RTN3: variants seen among roughly 807,000 people sequenced by gnomAD.
RTN3 encodes reticulon 3.
Under a neutral mutation model 77.8 loss-of-function variants are expected in RTN3, and 49 were observed. The ratio of observed to expected loss-of-function variants is 0.63; its 90% confidence interval spans 0.50 to 0.80. The LOEUF (loss-of-function observed/expected upper bound fraction) is 0.80, where lower values mean the gene tolerates loss of function less well. Among genes scored for constraint, RTN3 ranks in the 30% least tolerant of loss-of-function variants. The probability of loss-of-function intolerance (pLI) is 0.00; values close to 1 mark genes in which losing one functional copy is unlikely to be tolerated. For missense variants in RTN3, 1,236 were observed against 1,211.9 expected (o/e 1.02, Z -0.29); for synonymous variants, 464 against 446.9 (o/e 1.04, Z -0.48).
intron 3 of RTN3, 127 bp downstream of exon 3, chr11:63,721,159 A>G (rs760281583): frequency 2.6e-6 from 2 of 767,188 alleles, no homozygotes; most frequent in Admixed American, 3.0e-5. Flanking sequence ...AATATGCTGT[A>G]TGATGGGAAA....
At chr11:63,714,528 C>G (rs1456780217) in intron 2 of RTN3, 2 of 146,990 alleles carry the variant, frequency 1.4e-5, no homozygotes, top group Non-Finnish European at 3.0e-5. Flanking sequence ...CTCTTCTCTT[C>G]TCTTTTCTCT....
In RTN3 at chr11:63,720,136, G is replaced by A; in HGVS notation, c.1634G>A (p.Cys545Tyr). The change falls in exon 3 of 9, where the codon TGT (cysteine) becomes TAT (tyrosine). Residue 545 changes from cysteine (C) to tyrosine (Y), a missense_variant. Physicochemically the swap from Cys to Tyr is radical, Grantham distance 194. Around this residue, in one of 3 missense-constraint regions of RTN3, gnomAD observed 1,056 missense variants for 990.4 expected, o/e 1.07. Coordinates refer to ENST00000377819, the MANE Select transcript of RTN3 (RefSeq NM_001265589.2). ...AGAGAAATCAAAGAGATTCCCAGTT[G>A]TGAGAGAGAAGAAAAAACATCTAAA... Reference protein sequence around the residue: ...GEREIKEIPSCEREEKTSKNF... With the variant: ...GEREIKEIPSYEREEKTSKNF... 6.2e-7 allele frequency: 1 copy of A among 1,613,814 alleles called. No homozygotes were observed. Among genetic ancestry groups the A allele is most frequent in the Non-Finnish European group, 8.5e-7 (1 of 1,179,946 alleles).
Position 63,719,850 on chromosome 11 carries a change from T to C in RTN3, c.1348T>C (p.Leu450=). 2 of 1,614,094 alleles carry C rather than the reference T, an allele frequency of 1.2e-6. No homozygotes were observed. The highest frequency in any genetic ancestry group is 8.5e-7 in the Non-Finnish European group (1 of 1,180,014). The part of the protein sequence containing the change: ...MQKQDDTLAE[L]PGSPPEKCDS... ...GAAACAGGATGACACACTTGCAGAA[T>C]TACCTGGATCTCCACCTGAGAAATG... The change falls in exon 3 of 9, where the codon TTA becomes CTA. Residue 450 remains leucine (L), a synonymous_variant. Coordinates refer to ENST00000377819, the MANE Select transcript of RTN3 (RefSeq NM_001265589.2).
chr11:63,681,877 C>G, intron 1 of RTN3, 99 bp downstream of exon 1: 12 of 1,267,514 alleles, frequency 9.5e-6, no homozygotes, highest in Non-Finnish European at 1.2e-5. Context: ...ACGAATTACC[C>G]TCGACTACTG....
intron 2 of RTN3, among the ~76,000 whole-genome samples, chr11:63,706,077 C>G (rs1216175200): frequency 1.3e-5 from 2 of 152,108 alleles, no homozygotes; most frequent in Non-Finnish European, 2.9e-5. Context: ...CTGCAAAAGA[C>G]TTTTATAAGA....
chr11:63,755,580 G>A (rs2014331584), intron 7 of RTN3, among the ~76,000 whole-genome samples: 1 of 145,114 alleles, frequency 6.9e-6, no homozygotes, highest in East Asian at 2.0e-4. Flanking sequence ...AAACCCGGGA[G>A]GTGGAGGTTT....
intron 1 of RTN3, among the ~76,000 whole-genome samples, chr11:63,703,311 C>T (rs1279992429): frequency 6.6e-6 from 1 of 151,934 alleles, no homozygotes; most frequent in Non-Finnish European, 1.5e-5. Flanking sequence ...GGTTTTAGAA[C>T]CAATCCCCCT....
intron 3 of RTN3, among the ~76,000 whole-genome samples, chr11:63,729,090 AC>A (rs922739724): frequency 6.6e-6 from 1 of 151,962 alleles, no homozygotes; most frequent in African/African-American, 2.4e-5. Context: ...AACAAAAAAA[AC>A]AAAAAAACTG....
In RTN3 at chr11:63,719,567, T is replaced by A; in HGVS notation, c.1065T>A (p.Ser355=). 1 of 1,614,168 alleles carries A rather than the reference T, an allele frequency of 6.2e-7. No individual in the cohort carries two copies. Among genetic ancestry groups the A allele is most frequent in the South Asian group, 1.1e-5 (1 of 91,088 alleles). Residue 355 remains serine (S), a synonymous_variant, in exon 3 of 9, where the codon TCT becomes TCA. Coordinates refer to ENST00000377819, the MANE Select transcript of RTN3 (RefSeq NM_001265589.2). ...VPQVKQQTDK[S]SDCITKTTGL... is the part of the protein sequence containing the mutation. ...AAGTGAAACAACAGACCGATAAATCTTCTGACTGCATCACAAAAACTACAG... is the reference window on the plus strand; with the variant it reads ...AAGTGAAACAACAGACCGATAAATCATCTGACTGCATCACAAAAACTACAG...
chr11:63,749,882 T>C, intron 3 of RTN3, 109 bp from the exon 4 acceptor site: 1 of 797,082 alleles, frequency 1.3e-6, no homozygotes, highest in Non-Finnish European at 2.0e-6. Flanking sequence ...CAGATTATCT[T>C]AAAGTGGGGC....
chr11:63,744,130 C>T (rs2135022980), intron 3 of RTN3, among the ~76,000 whole-genome samples: 1 of 148,900 alleles, frequency 6.7e-6, no homozygotes, highest in South Asian at 2.2e-4. Context: ...GTAATGTCAG[C>T]TACTCGAAGG....
At chr11:63,743,206 TTCTTGAC>T (rs2013590518) in intron 3 of RTN3, among the ~76,000 whole-genome samples, 1 of 152,172 alleles carries the variant, frequency 6.6e-6, no homozygotes, top group South Asian at 2.1e-4. Flanking sequence ...CAGCCTGTTT[TTCTTGAC>T]TTAGTGAGCT....
chr11:63,730,324 T>C (rs913428845), intron 3 of RTN3, among the ~76,000 whole-genome samples: 3 of 152,054 alleles, frequency 2.0e-5, no homozygotes, highest in African/African-American at 7.2e-5. Context: ...GGAAAAGATA[T>C]CCCAAAAAAT....
At chr11:63,713,262 CA>C (rs1237364188) in intron 2 of RTN3, among the ~76,000 whole-genome samples, 4 of 152,078 alleles carry the variant, frequency 2.6e-5, no homozygotes, top group Non-Finnish European at 5.9e-5. Flanking sequence ...AGTTTGAGAA[CA>C]TGTTCATGAT....
intron 8 of RTN3, among the ~76,000 whole-genome samples, chr11:63,756,440 G>A (rs913885108): frequency 1.3e-5 from 2 of 152,078 alleles, no homozygotes; most frequent in East Asian, 3.9e-4. Flanking sequence ...TTGGGAGGCC[G>A]AGACAGGAGG....
intron 1 of RTN3, among the ~76,000 whole-genome samples, chr11:63,698,361 A>G (rs908284941): frequency 4.6e-5 from 7 of 151,956 alleles, no homozygotes; most frequent in Non-Finnish European, 8.8e-5. Flanking sequence ...GCTGAGGTCA[A>G]GCCATCCACC....
At chr11:63,741,740 A>T (rs2013494116) in intron 3 of RTN3, among the ~76,000 whole-genome samples, 1 of 151,724 alleles carries the variant, frequency 6.6e-6, no homozygotes, top group Admixed American at 6.6e-5. Context: ...ACCTCAGGTG[A>T]TCTTCCCGCC....
intron 3 of RTN3, among the ~76,000 whole-genome samples, chr11:63,743,561 A>G (rs1240533888): frequency 6.6e-6 from 1 of 152,166 alleles, no homozygotes; most frequent in South Asian, 2.1e-4. Flanking sequence ...CTCAGTCATG[A>G]TGTAGTATTG....
Position 63,696,197 on chromosome 11 carries a change from T to C in RTN3, c.143-8654T>C, listed in dbSNP as rs116394591. Reference sequence around the variant, plus strand: ...TTGGGAGGCTTAGGCGGACAGATCTTGAGGTCAGGAGCAACATGGTGAAAC... The same window carrying C: ...TTGGGAGGCTTAGGCGGACAGATCTCGAGGTCAGGAGCAACATGGTGAAAC... On this transcript the variant is annotated intron_variant, in intron 1 of 8. Coordinates refer to ENST00000377819, the MANE Select transcript of RTN3 (RefSeq NM_001265589.2). Among the ~76,000 whole-genome samples, 1,241 of 148,340 alleles carry C rather than the reference T, an allele frequency of 8.4e-3. 16 individuals carry two copies. The highest frequency in any genetic ancestry group is 0.027 in the African/African-American group (1,093 of 40,084).
Sources: gnomAD v4.1 joint callset for allele counts (sites outside exome capture counted in the v4.1 genomes callset) on GRCh38, gnomAD v4.1.1 for gene constraint, gnomAD v4.1.1 regional missense constraint, MANE v1.5 for transcripts, NCBI Gene and HGNC (gene_info 2026-07-23, HGNC 2026-07-21) for gene names.